Variants in RGS18 observed in about 807,000 individuals in gnomAD.
The protein encoded by RGS18 is regulator of G protein signaling 18.
Under a neutral mutation model 27.6 loss-of-function variants are expected in RGS18, and 22 were observed. That is an observed-to-expected ratio of 0.80 (90% CI 0.57 to 1.14). RGS18 has a LOEUF of 1.14. RGS18 is among the 50% of genes most tolerant of loss of function. The pLI, the probability that RGS18 is intolerant of heterozygous loss-of-function variation, is 0.00. For synonymous variants in RGS18, 89 were observed against 84.6 expected, an observed-to-expected ratio of 1.05 and a Z score of -0.29; for missense variants, 299 against 269.6, an observed-to-expected ratio of 1.11 and a Z score of -0.76.
rs1656530784 is a variant in RGS18 at position 192,185,369 on chromosome 1, T to C, written c.*815T>C. ...TGCTACTAAACTATTAGGCCATCAA[T>C]GGCTTGAATAAAAACCAGAGAAGGT... On this transcript the variant is annotated 3_prime_UTR_variant, in exon 5 of 5. Transcript: ENST00000367460. 6.6e-6 allele frequency: 1 copy of C among 151,584 alleles called. No individual in the cohort carries two copies. The allele number at this position is 151,584 out of a possible 1,614,324, so 9.4% of individuals were successfully genotyped here.
intron 3 of RGS18, among the ~76,000 whole-genome samples, chr1:192,175,448 T>C (rs938167650): frequency 2.0e-5 from 3 of 151,912 alleles, no homozygotes; most frequent in African/African-American, 7.2e-5. Flanking sequence ...CTCTTGATTT[T>C]TTTTCTGATC....
chr1:192,176,833 A>C (rs1656367065), intron 3 of RGS18, among the ~76,000 whole-genome samples: 1 of 151,822 alleles, frequency 6.6e-6, no homozygotes, highest in African/African-American at 2.4e-5. Context: ...TCAATAACTC[A>C]TAGTGATATC....
chr1:192,160,703 C>T (rs1230186475), intron 3 of RGS18: 4 of 380,600 alleles, frequency 1.1e-5, no homozygotes, highest in Non-Finnish European at 1.9e-5. Context: ...TTAAATTTTT[C>T]CGATTTTTGA....
chr1:192,181,481 A>C (rs1656454523), intron 4 of RGS18, 23 bp downstream of exon 4: 3 of 1,458,540 alleles, frequency 2.1e-6, no homozygotes, highest in Admixed American at 2.7e-5. Context: ...TAACTGTAAA[A>C]ATGCATAATT....
chr1:192,167,067 C>T (rs1230531647), intron 3 of RGS18, among the ~76,000 whole-genome samples: 1 of 152,126 alleles, frequency 6.6e-6, no homozygotes, highest in Admixed American at 6.6e-5. Context: ...GTATTAATAC[C>T]TATTTACTTG....
intron 4 of RGS18, 65 bp downstream of exon 4, chr1:192,181,523 A>G: frequency 1.8e-6 from 2 of 1,084,620 alleles, no homozygotes; most frequent in South Asian, 3.7e-5. Context: ...TTTTATTTTT[A>G]AATTGTGAAT....
intron 3 of RGS18, among the ~76,000 whole-genome samples, chr1:192,165,074 A>G (rs376433752): frequency 7.2e-5 from 11 of 152,080 alleles, no homozygotes; most frequent in African/African-American, 1.9e-4. Context: ...TCACTGAATT[A>G]TTTCCCCAGT....
chr1:192,184,109 C>A (rs1484206336), intron 4 of RGS18, among the ~76,000 whole-genome samples, 188 bp from the exon 5 acceptor site: 1 of 151,606 alleles, frequency 6.6e-6, no homozygotes, highest in African/African-American at 2.4e-5. Context: ...TAACTGCCCA[C>A]CAGGCTCCAC....
chr1:192,172,882 T>A (rs867707577), intron 3 of RGS18, among the ~76,000 whole-genome samples: 36 of 104,890 alleles, frequency 3.4e-4, no homozygotes, highest in African/African-American at 7.3e-4. Context: ...TATATATATA[T>A]AAATATATAT....
Position 192,185,284 on chromosome 1 carries a change from A to G in RGS18, c.*730A>G, listed in dbSNP as rs1428643303. 1 of 148,928 alleles carries G rather than the reference A, an allele frequency of 6.7e-6. No individual in the cohort carries two copies. The highest frequency in any genetic ancestry group is 1.5e-5 in the Non-Finnish European group (1 of 67,716). The allele number at this position is 148,928 out of a possible 1,614,324, so 9.2% of individuals were successfully genotyped here. ...CTGTTGGTCACAGAAACATGACCAG[A>G]TTTTGCATATCTCCAGGTAGGGAAC... On this transcript the variant is annotated 3_prime_UTR_variant, in exon 5 of 5. Coordinates refer to ENST00000367460, the MANE Select transcript of RGS18 (RefSeq NM_130782.3).
At chr1:192,168,528 C>T (rs938024471) in intron 3 of RGS18, 2 of 152,064 alleles carry the variant, frequency 1.3e-5, no homozygotes, top group Admixed American at 6.6e-5. Flanking sequence ...TATTTCAGAG[C>T]GCAGCAGATG....
At chr1:192,162,162 C>T (rs1656084653) in intron 3 of RGS18, among the ~76,000 whole-genome samples, 1 of 150,832 alleles carries the variant, frequency 6.6e-6, no homozygotes. Flanking sequence ...GCTACTATCA[C>T]TTCCTGTTTT....
intron 3 of RGS18, among the ~76,000 whole-genome samples, chr1:192,160,974 C>G (rs1455765495): frequency 6.6e-5 from 10 of 152,228 alleles, no homozygotes; most frequent in Admixed American, 5.2e-4. Flanking sequence ...CTCAGCCTCC[C>G]GAGTAGCTGG....
At chr1:192,164,237 A>G (rs953528237) in intron 3 of RGS18, among the ~76,000 whole-genome samples, 1 of 152,172 alleles carries the variant, frequency 6.6e-6, no homozygotes, top group African/African-American at 2.4e-5. Flanking sequence ...ACAAGGACAG[A>G]AGGAGACCAT....
At chr1:192,166,703 T>C (rs1021855794) in intron 3 of RGS18, among the ~76,000 whole-genome samples, 4 of 152,182 alleles carry the variant, frequency 2.6e-5, no homozygotes, top group African/African-American at 9.6e-5. Flanking sequence ...ATTTCATTTT[T>C]ATTATAATAG....
Position 192,184,382 on chromosome 1 carries a change from G to A in RGS18, c.536G>A (p.Arg179Lys). 6.2e-7 allele frequency: 1 copy of A among 1,611,818 alleles called. No homozygotes were observed. Among genetic ancestry groups the A allele is most frequent in the Non-Finnish European group, 8.5e-7 (1 of 1,178,614 alleles). The stretch of plus-strand genomic sequence containing the variant: ...CACAGTTTTGATGCTGCACAAAGCA[G>A]AGTGTATCAGCTCATGGAACAAGAC... Reference protein sequence around the residue: ...TLHSFDAAQSRVYQLMEQDSY... With the variant: ...TLHSFDAAQSKVYQLMEQDSY... The change falls in exon 5 of 5, where the codon AGA (arginine) becomes AAA (lysine). Residue 179 changes from arginine to lysine, a missense_variant. Arg to Lys is a conservative substitution (Grantham distance 26, BLOSUM62 2). Transcript: ENST00000367460.
chr1:192,170,149 A>C (rs1043384403), intron 3 of RGS18, among the ~76,000 whole-genome samples: 1 of 152,138 alleles, frequency 6.6e-6, no homozygotes, highest in Non-Finnish European at 1.5e-5. Flanking sequence ...TTACAGACCT[A>C]AACATTGCCC....
chr1:192,164,088 A>G (rs1332667938), intron 3 of RGS18, among the ~76,000 whole-genome samples: 1 of 152,130 alleles, frequency 6.6e-6, no homozygotes, highest in African/African-American at 2.4e-5. Flanking sequence ...ATACAATGGA[A>G]ATTTGGGTAT....
intron 3 of RGS18, chr1:192,161,584 CTT>C (rs149463441): frequency 1.4e-5 from 2 of 146,122 alleles, no homozygotes; most frequent in Non-Finnish European, 1.5e-5. Context: ...AAGCCCACAG[CTT>C]TTTTTTTTTG....
Sources: gnomAD v4.1 joint callset for allele counts (sites outside exome capture counted in the v4.1 genomes callset) on GRCh38, gnomAD v4.1.1 for gene constraint, MANE v1.5 for transcripts, NCBI Gene and HGNC (gene_info 2026-07-23, HGNC 2026-07-21) for gene names.